FER: variants seen among roughly 807,000 people sequenced by gnomAD.
The protein encoded by FER is tyrosine-protein kinase Fer.
FER carries 63 observed loss-of-function variants against 111.0 expected under a neutral mutation model. That is an observed-to-expected ratio of 0.57 (90% confidence interval 0.46 to 0.70). The LOEUF (loss-of-function observed/expected upper bound fraction) is 0.70. FER is among the 30% of genes least tolerant of loss of function. The probability of loss-of-function intolerance (pLI) is 0.00; values close to 1 mark genes in which losing one functional copy is unlikely to be tolerated. For synonymous variants in FER, 327 were observed against 313.9 expected (o/e 1.04, Z -0.44); for missense variants, 914 against 954.0 (o/e 0.96, Z 0.55).
At chr5:108,809,668 T>C (rs960215481) in intron 3 of FER, among the ~76,000 whole-genome samples, 1 of 152,184 alleles carries the variant, frequency 6.6e-6, no homozygotes, top group Non-Finnish European at 1.5e-5. Context: ...GCTTAAGTAA[T>C]CCTCCTATCT....
In FER at chr5:108,798,293, A is replaced by G; in HGVS notation, c.111A>G (p.Lys37=). Residue 37 remains lysine, a synonymous_variant, in exon 3 of 20, where the codon AAA becomes AAG. Transcript: ENST00000281092. ...TVKKFMALRI[K]SDKEYASTLQ... Reference sequence around the variant, plus strand: ...AGAAATTTATGGCCCTGAGAATAAAAAGTGATAAAGAATATGCATCTACTT... The same window carrying G: ...AGAAATTTATGGCCCTGAGAATAAAGAGTGATAAAGAATATGCATCTACTT... The G allele has an allele frequency of 6.2e-7, 1 of 1,614,052 alleles. No homozygotes were observed. Among genetic ancestry groups the G allele is most frequent in the Admixed American group, 1.7e-5 (1 of 60,026 alleles).
chr5:109,076,606 T>G (rs1327591481), intron 16 of FER, among the ~76,000 whole-genome samples: 3 of 151,922 alleles, frequency 2.0e-5, no homozygotes, highest in South Asian at 2.1e-4. Context: ...CCTGCCTAAT[T>G]TTTGTATTTT....
At position 108,945,863 on chromosome 5, in the gene FER, A is replaced by G. The variant is rs145156139; in HGVS notation, c.1237-267A>G. ...CTTTGCATTTCTTGTTTTCATCTGTATGAATTCTATATGAATTGCTATATG... is the reference window on the plus strand; with the variant it reads ...CTTTGCATTTCTTGTTTTCATCTGTGTGAATTCTATATGAATTGCTATATG... On this transcript the variant is annotated intron_variant, in intron 10 of 19. Coordinates refer to ENST00000281092, the MANE Select transcript of FER (RefSeq NM_005246.4). Among the ~76,000 whole-genome samples the G allele has an allele frequency of 7.6e-3, 1,163 of 152,076 alleles. 11 individuals carry two copies. The highest frequency in any genetic ancestry group is 0.027 in the African/African-American group (1,134 of 41,514).
chr5:108,772,115 T>C (rs893321327), intron 2 of FER, among the ~76,000 whole-genome samples: 9 of 152,102 alleles, frequency 5.9e-5, no homozygotes, highest in Non-Finnish European at 1.2e-4. Flanking sequence ...TGCAGCTCTC[T>C]GCAGCCTCTT....
At chr5:108,771,417 G>T (rs894645975) in intron 2 of FER, among the ~76,000 whole-genome samples, 2 of 152,104 alleles carry the variant, frequency 1.3e-5, no homozygotes, top group African/African-American at 4.8e-5. Flanking sequence ...TTTAGTAGTA[G>T]TAGGATTTTA....
intron 2 of FER, among the ~76,000 whole-genome samples, chr5:108,794,140 A>T (rs1267090704): frequency 1.3e-5 from 2 of 151,190 alleles, no homozygotes; most frequent in African/African-American, 4.9e-5. Flanking sequence ...TGAGTTTTGT[A>T]CCTTCAGATG....
chr5:108,911,847 C>G (rs369146075), intron 10 of FER, among the ~76,000 whole-genome samples: 1 of 152,194 alleles, frequency 6.6e-6, no homozygotes, highest in South Asian at 2.1e-4. Context: ...AAGTATCATG[C>G]AGTTTTAGTT....
chr5:109,084,933 G>C (rs1301073675), intron 16 of FER, among the ~76,000 whole-genome samples: 2 of 151,724 alleles, frequency 1.3e-5, no homozygotes, highest in Non-Finnish European at 2.9e-5. Flanking sequence ...CTGTTCCATT[G>C]ATCTATGTAA....
At chr5:109,116,426 C>CAAA (rs199831249) in intron 17 of FER, among the ~76,000 whole-genome samples, 2 of 126,908 alleles carry the variant, frequency 1.6e-5, no homozygotes, top group African/African-American at 5.7e-5. Context: ...TTCCCCCCGC[C>CAAA]AAAAAAAAAA....
intron 11 of FER, 38 bp downstream of exon 11, chr5:108,946,260 C>A: frequency 7.2e-7 from 1 of 1,395,570 alleles, no homozygotes; most frequent in South Asian, 1.2e-5. Flanking sequence ...TGAAAATGGT[C>A]ATTGTCTAGC....
At chr5:109,024,450 G>A (rs1057132563) in intron 13 of FER, among the ~76,000 whole-genome samples, 2 of 152,144 alleles carry the variant, frequency 1.3e-5, no homozygotes, top group South Asian at 2.1e-4. Flanking sequence ...GTCCTTGGGA[G>A]CAAGATCCTG....
At chr5:109,162,525 C>G (rs1756100631) in intron 17 of FER, among the ~76,000 whole-genome samples, 2 of 152,070 alleles carry the variant, frequency 1.3e-5, no homozygotes, top group South Asian at 2.1e-4. Context: ...CAAATACGGT[C>G]CACAAGGGTG....
chr5:108,908,689 C>G (rs1358797270), intron 10 of FER, among the ~76,000 whole-genome samples: 3 of 148,296 alleles, frequency 2.0e-5, no homozygotes, highest in African/African-American at 7.5e-5. Flanking sequence ...CCATTGCACT[C>G]TAGCCTGGGC....
At chr5:109,168,278 G>A (rs867820920) in intron 17 of FER, among the ~76,000 whole-genome samples, 1 of 152,064 alleles carries the variant, frequency 6.6e-6, no homozygotes, top group African/African-American at 2.4e-5. Flanking sequence ...CCTTTTCCTG[G>A]CATAAATGAC....
chr5:108,925,703 A>G (rs534031883), intron 10 of FER, among the ~76,000 whole-genome samples: 5 of 152,116 alleles, frequency 3.3e-5, no homozygotes, highest in Non-Finnish European at 5.9e-5. Context: ...GTTGAAATAC[A>G]TACACGATTC....
chr5:109,082,550 A>G (rs1249018538), intron 16 of FER, among the ~76,000 whole-genome samples: 1 of 152,008 alleles, frequency 6.6e-6, no homozygotes, highest in African/African-American at 2.4e-5. Flanking sequence ...AATGCCTATG[A>G]CAGCACGTGT....
Position 109,187,542 on chromosome 5 carries a change from A to G in FER, c.2436A>G (p.Lys812=), listed in dbSNP as rs148283941. The G allele has an allele frequency of 3.3e-5, 54 of 1,614,054 alleles. No homozygotes were observed. The highest frequency in any genetic ancestry group is 4.5e-5 in the Non-Finnish European group (53 of 1,180,016). ...GCCCTAAGTTCAGTGAACTTCAGAA[A>G]GAGCTCACTATCATCAAGAGAAAAC... ...ENRPKFSELQ[K]ELTIIKRKLT is the part of the protein sequence containing the mutation. The change falls in exon 20 of 20, where the codon AAA becomes AAG. Residue 812 remains lysine (K), a synonymous_variant. Transcript: ENST00000281092.
chr5:109,165,393 A>T (rs1265039702), intron 17 of FER, among the ~76,000 whole-genome samples: 1 of 152,200 alleles, frequency 6.6e-6, no homozygotes, highest in Non-Finnish European at 1.5e-5. Flanking sequence ...GTAGTAGTAG[A>T]ATCCTCGGAG....
chr5:109,012,577 C>T (rs560211402), intron 13 of FER, among the ~76,000 whole-genome samples: 6 of 152,234 alleles, frequency 3.9e-5, no homozygotes, highest in African/African-American at 2.4e-5. Context: ...TTCCATAAAG[C>T]CTTTCCAAAA....
Sources: gnomAD v4.1 joint callset for allele counts (sites outside exome capture counted in the v4.1 genomes callset) on GRCh38, gnomAD v4.1.1 for gene constraint, MANE v1.5 for transcripts, NCBI Gene and HGNC (gene_info 2026-07-23, HGNC 2026-07-21) for gene names.